ZNF808: variants seen among roughly 807,000 people sequenced by gnomAD.
ZNF808 encodes zinc finger protein 808.
In ZNF808, 5 loss-of-function variants were observed where a neutral mutation model predicts 8.7. The observed-to-expected ratio is 0.58, with a 90% CI of 0.30 to 1.21. ZNF808 has a LOEUF of 1.21. Among genes scored for constraint, ZNF808 ranks in the 50% most tolerant of loss-of-function variants. The pLI is 0.07. For missense variants in ZNF808, 1,103 were observed against 1,098.4 expected (o/e 1.00, Z -0.06); for synonymous variants, 380 against 366.0 (o/e 1.04, Z -0.44).
chr19:52,557,387 A>G (rs1303672708), downstream of ZNF808, among the ~76,000 whole-genome samples: 2 of 151,628 alleles, frequency 1.3e-5, no homozygotes, highest in African/African-American at 2.4e-5. Context: ...CTGCCTCAGC[A>G]TACCGAGTAG....
intron 4 of ZNF808, among the ~76,000 whole-genome samples, chr19:52,551,618 G>T (rs941850257): frequency 6.6e-6 from 1 of 152,018 alleles, no homozygotes; most frequent in African/African-American, 2.4e-5. Context: ...TTTATCATGG[G>T]TTACAATATT....
chr19:52,544,572 G>A (rs1186430419), intron 3 of ZNF808, among the ~76,000 whole-genome samples: 1 of 152,078 alleles, frequency 6.6e-6, no homozygotes, highest in Non-Finnish European at 1.5e-5. Context: ...CTCATGATCT[G>A]CCTATCTCGG....
intron 4 of ZNF808, among the ~76,000 whole-genome samples, chr19:52,552,781 T>C (rs912163725): frequency 1.3e-5 from 2 of 151,938 alleles, no homozygotes; most frequent in African/African-American, 4.8e-5. Flanking sequence ...TTCTCTTCCT[T>C]GATGTGACAG....
At chr19:52,542,483 TCTTTC>T (rs201782268) in intron 2 of ZNF808, among the ~76,000 whole-genome samples, 50,112 of 151,458 alleles carry the variant, frequency 0.33, 9,056 homozygotes, top group East Asian at 0.51. Flanking sequence ...AAGCAGCCTT[TCTTTC>T]CTAGGTCCTT....
At chr19:52,561,194 CTCTCTCTCTCTCTCTCTCTATATATATA>C (rs1325534990), downstream of ZNF808, among the ~76,000 whole-genome samples, 18 of 68,780 alleles carry the variant, frequency 2.6e-4, no homozygotes, top group African/African-American at 7.9e-4. Context: ...CTCTCTCTCT[CTCTCTCTCTCTCTCTCTCTATATATATA>C]TATATATATA....
At chr19:52,565,831 T>G (rs565794780), downstream of ZNF808, among the ~76,000 whole-genome samples, 1 of 152,312 alleles carries the variant, frequency 6.6e-6, no homozygotes, top group South Asian at 2.1e-4. Flanking sequence ...TTATATGTAT[T>G]GATTGATGTC....
At position 52,553,935 on chromosome 19, in the gene ZNF808, A is replaced by C. The variant is rs943862684; in HGVS notation, c.1019A>C (p.Glu340Ala). 1.2e-6 allele frequency: 2 copies of C among 1,614,040 alleles called. No homozygotes were observed. Among genetic ancestry groups the C allele is most frequent in the Admixed American group, 1.7e-5 (1 of 59,994 alleles). The change falls in exon 5 of 5, where the codon GAG becomes GCG. Residue 340 changes from glutamate to alanine, a missense_variant. Coordinates refer to ENST00000359798, the MANE Select transcript of ZNF808 (RefSeq NM_001039886.4). ...ATTCATAAGGCAATTCATACTGGAG[A>C]GAAACCTTACAAGTGTAATGAATGT... Reference protein sequence around the residue: ...LVIHKAIHTGEKPYKCNECGK... With the variant: ...LVIHKAIHTGAKPYKCNECGK...
intron 4 of ZNF808, among the ~76,000 whole-genome samples, chr19:52,548,281 C>G (rs1600010402): frequency 1.3e-5 from 2 of 152,258 alleles, no homozygotes; most frequent in African/African-American, 4.8e-5. Context: ...AACCTATGTT[C>G]AGTTTGTTGT....
At chr19:52,541,284 T>C (rs2059667993) in intron 2 of ZNF808, among the ~76,000 whole-genome samples, 1 of 151,880 alleles carries the variant, frequency 6.6e-6, no homozygotes, top group Non-Finnish European at 1.5e-5. Context: ...TAAATAAAAT[T>C]TTTCATGGTG....
intron 2 of ZNF808, among the ~76,000 whole-genome samples, chr19:52,539,801 C>T (rs572987789): frequency 6.6e-6 from 1 of 151,956 alleles, no homozygotes; most frequent in East Asian, 2.0e-4. Context: ...GATCCTCCCA[C>T]CTCAGCCTCC....
At chr19:52,535,716 C>G (rs1261382785) in intron 2 of ZNF808, among the ~76,000 whole-genome samples, 1 of 152,262 alleles carries the variant, frequency 6.6e-6, no homozygotes, top group African/African-American at 2.4e-5. Flanking sequence ...GTATATTCCG[C>G]CCCGGCAGGG....
At chr19:52,540,505 GT>G (rs1431327089) in intron 2 of ZNF808, among the ~76,000 whole-genome samples, 1 of 152,052 alleles carries the variant, frequency 6.6e-6, no homozygotes, top group African/African-American at 2.4e-5. Flanking sequence ...TTGTTAGGTT[GT>G]TTCAGTGTGT....
chr19:52,543,147 G>A lies in ZNF808; in HGVS notation c.-19-119G>A, dbSNP rs57498384. On this transcript the variant is annotated intron_variant, in intron 2 of 4. Transcript: ENST00000359798. ...CTTTCTTACCTCTGCATGATCTCTG[G>A]TGCAGTGGGCAGTGGGGGACTTCTT... 4.2e-3 allele frequency: 4,098 copies of A among 974,936 alleles called. 109 individuals carry two copies. The African/African-American group carries it at 0.06, about 14-fold the overall frequency. 60.4% of individuals were successfully genotyped at this position (974,936 alleles called of 1,614,324 possible). A position where few individuals can be genotyped will look rare whatever the true frequency, so the allele number is the denominator to read the frequency against.
At chr19:52,556,957 A>C (rs1168857152), downstream of ZNF808, among the ~76,000 whole-genome samples, 1 of 151,978 alleles carries the variant, frequency 6.6e-6, no homozygotes, top group African/African-American at 2.4e-5. Flanking sequence ...AAAAGCACCC[A>C]TGTATTCTTT....
At position 52,534,263 on chromosome 19, in the gene ZNF808, A is replaced by G. The variant is rs567420569; in HGVS notation, c.-20+1254A>G. Among the ~76,000 whole-genome samples the G allele has an allele frequency of 6.6e-5, 10 of 152,292 alleles. No homozygotes were observed. In the South Asian group the frequency reaches 1.2e-3, roughly 19 times the overall value. On this transcript the variant is annotated intron_variant, in intron 2 of 4. Transcript: ENST00000359798. The stretch of plus-strand genomic sequence containing the variant: ...CCCCTCCCTCGGGATGAAGCTTGTT[A>G]GCTGACAGAGATGGTCACCTCCATT...
At chr19:52,567,600 C>T (rs2059876181), downstream of ZNF808, among the ~76,000 whole-genome samples, 1 of 150,870 alleles carries the variant, frequency 6.6e-6, no homozygotes, top group South Asian at 2.1e-4. Flanking sequence ...TCATGGCTCA[C>T]CACAGCTTCC....
rs998405775 is a variant in ZNF808 at position 52,555,961 on chromosome 19, A to G, written c.*333A>G. The G allele has an allele frequency of 1.4e-5, 9 of 641,824 alleles. No individual in the cohort carries two copies. Among genetic ancestry groups the G allele is most frequent in the South Asian group, 5.6e-5 (4 of 71,914 alleles). The allele number at this position is 641,824 out of a possible 1,614,324, so 39.8% of individuals were successfully genotyped here. A position where few individuals can be genotyped will look rare whatever the true frequency, so the allele number is the denominator to read the frequency against. ...ATCCATACTGGACAGAAATCTTGCA[A>G]ATGTCATCAGTGTGGCAAGGTCTTC... is the stretch of plus-strand genomic sequence containing the variant. On this transcript the variant is annotated 3_prime_UTR_variant, in exon 5 of 5. Transcript: ENST00000359798.
At chr19:52,557,859 A>T (rs772903513), downstream of ZNF808, among the ~76,000 whole-genome samples, 8 of 151,902 alleles carry the variant, frequency 5.3e-5, no homozygotes, top group Non-Finnish European at 8.8e-5. Flanking sequence ...AAGACTTCAC[A>T]CACACCTTCT....
At chr19:52,530,701 A>C (rs557496) in intron 1 of ZNF808, among the ~76,000 whole-genome samples, 14,303 of 151,170 alleles carry the variant, frequency 0.095, 999 homozygotes, top group African/African-American at 0.2. Flanking sequence ...AGGAACATCA[A>C]AGTTGGGCCT....
Sources: gnomAD v4.1 joint callset for allele counts (sites outside exome capture counted in the v4.1 genomes callset) on GRCh38, gnomAD v4.1.1 for gene constraint, MANE v1.5 for transcripts, NCBI Gene and HGNC (gene_info 2026-07-23, HGNC 2026-07-21) for gene names.